CELF2: variants seen among roughly 807,000 people sequenced by gnomAD.
CELF2 encodes CUGBP Elav-like family member 2, also known as CUG triplet repeat RNA-binding protein 2.
CELF2 carries 8 observed loss-of-function variants against 62.6 expected under a neutral mutation model. The ratio of observed to expected loss-of-function variants is 0.13; its 90% CI spans 0.07 to 0.23. The LOEUF (loss-of-function observed/expected upper bound fraction) is 0.23. Among genes scored for constraint, CELF2 ranks in the 10% least tolerant of loss-of-function variants. The pLI is 1.00. For synonymous variants in CELF2, 258 were observed against 250.0 expected, an observed-to-expected ratio of 1.03 and a Z score of -0.30; for missense variants, 333 against 671.0, an observed-to-expected ratio of 0.50 and a Z score of 5.56.
chr10:10,690,060 G>T, the CELF2 span, among the ~76,000 whole-genome samples: 1 of 152,086 alleles, frequency 6.6e-6, no homozygotes, highest in African/African-American at 2.4e-5. Flanking sequence ...TCCATATATG[G>T]GTGCTAGGAG....
At chr10:10,546,207 C>G in the CELF2 span, among the ~76,000 whole-genome samples, 1 of 152,214 alleles carries the variant, frequency 6.6e-6, no homozygotes. Context: ...ACCCTGCCTG[C>G]CGATAACCAT....
the CELF2 span, among the ~76,000 whole-genome samples, chr10:10,744,046 A>AT: frequency 1.3e-5 from 2 of 152,028 alleles, no homozygotes; most frequent in Non-Finnish European, 2.9e-5. Flanking sequence ...TTTTGAGCTA[A>AT]TTTTTTCCTC....
chr10:10,827,600 C>T (rs778765557), intron 1 of CELF2, among the ~76,000 whole-genome samples: 1 of 152,160 alleles, frequency 6.6e-6, no homozygotes, highest in Non-Finnish European at 1.5e-5. Context: ...CTCCTCTAGC[C>T]ATGGAAAGTA....
At chr10:10,724,662 AAAAAAAAAG>A in the CELF2 span, among the ~76,000 whole-genome samples, 21 of 149,416 alleles carry the variant, frequency 1.4e-4, 1 homozygote, top group African/African-American at 4.7e-4. Flanking sequence ...TCTCAAAAAA[AAAAAAAAAG>A]AAAAAAGAAA....
intron 1 of CELF2, among the ~76,000 whole-genome samples, chr10:11,124,756 G>A (rs952550546): frequency 5.9e-5 from 9 of 152,128 alleles, no homozygotes; most frequent in Admixed American, 1.3e-4. Context: ...TCTATTATAC[G>A]TGAAATTTCC....
chr10:10,602,727 C>T, the CELF2 span, among the ~76,000 whole-genome samples: 4 of 152,074 alleles, frequency 2.6e-5, no homozygotes, highest in African/African-American at 9.7e-5. Context: ...TTGATCAAGA[C>T]TTGATGAGCA....
rs1313319761 is a variant in CELF2, at chr10:11,159,912, TAAG to T, written c.75-5569_75-5567del. ...AATGATGGGACTGAAGTTAGGACATTAAGAAGAGCATTGGCATACCTGGCAAGA... is the reference window on the plus strand; with the variant it reads ...AATGATGGGACTGAAGTTAGGACATTAAGAGCATTGGCATACCTGGCAAGA... On this transcript the variant is annotated intron_variant, in intron 1 of 12. Coordinates refer to ENST00000633077, the MANE Select transcript of CELF2 (RefSeq NM_001326342.2). The surrounding 1 kb of genome is among the most constrained non-coding windows in gnomAD (Gnocchi z 5.0). Among the ~76,000 whole-genome samples the T allele has an allele frequency of 6.6e-6, 1 of 152,156 alleles. No homozygotes were observed. The highest frequency in any genetic ancestry group is 2.4e-5 in the African/African-American group (1 of 41,424).
chr10:11,072,725 C>G (rs2070505697), intron 1 of CELF2, among the ~76,000 whole-genome samples: 1 of 152,130 alleles, frequency 6.6e-6, no homozygotes, highest in African/African-American at 2.4e-5. Flanking sequence ...GATGGTGACC[C>G]TTAAGTTTAC....
chr10:11,139,779 C>G (rs372392723), intron 1 of CELF2, among the ~76,000 whole-genome samples: 2 of 152,200 alleles, frequency 1.3e-5, no homozygotes, highest in South Asian at 2.1e-4. Flanking sequence ...TGCACAAATA[C>G]CTATTCTTTA....
At chr10:10,644,149 T>G in the CELF2 span, among the ~76,000 whole-genome samples, 2 of 152,178 alleles carry the variant, frequency 1.3e-5, no homozygotes, top group African/African-American at 4.8e-5. Context: ...GACTCATGTC[T>G]CCTGTCTGCT....
chr10:11,128,994 G>A (rs913176354), intron 1 of CELF2, among the ~76,000 whole-genome samples: 1 of 152,154 alleles, frequency 6.6e-6, no homozygotes, highest in Non-Finnish European at 1.5e-5. Flanking sequence ...TGCCCATTCA[G>A]TATGATATTG....
chr10:10,564,739 C>G, the CELF2 span, among the ~76,000 whole-genome samples: 1 of 150,700 alleles, frequency 6.6e-6, no homozygotes, highest in Non-Finnish European at 1.5e-5. Flanking sequence ...AGCCAAGTGC[C>G]AAAATGCAAA....
At chr10:11,136,649 G>A (rs953774535) in intron 1 of CELF2, among the ~76,000 whole-genome samples, 1 of 151,998 alleles carries the variant, frequency 6.6e-6, no homozygotes, top group Non-Finnish European at 1.5e-5. Context: ...AGAAAAAAAC[G>A]AAGTTAAACG....
rs114148461 is a variant in CELF2, at chr10:11,073,916, A to G, written c.74+55753A>G. Among the ~76,000 whole-genome samples, 285 of 152,362 alleles carry G rather than the reference A, an allele frequency of 1.9e-3. 2 individuals are homozygous for G. Among genetic ancestry groups the G allele is most frequent in the African/African-American group, 6.7e-3 (279 of 41,584 alleles). ...TAAATAGTTTTCATACTGTTATCAA[A>G]TGTAAAATAATTGAGAATATTCTTG... On this transcript the variant is annotated intron_variant, in intron 1 of 12. Transcript: ENST00000633077.
rs2094432047 is a variant in CELF2, at chr10:11,309,105, A to G, written c.977-5034A>G. On this transcript the variant is annotated intron_variant, in intron 9 of 12. Transcript: ENST00000633077. This position sits in a 1 kb window ranked among gnomAD's most constrained non-coding sequence, Gnocchi z 5.6. Reference sequence around the variant, plus strand: ...AGCTGCTTTCATGTCTTTGTCCACCAAGTCTAACATCTGGGCCCTCTTACG... The same window carrying G: ...AGCTGCTTTCATGTCTTTGTCCACCGAGTCTAACATCTGGGCCCTCTTACG... 6.6e-6 allele frequency among the ~76,000 whole-genome samples: 1 copy of G among 152,168 alleles called. No homozygotes were observed. Among genetic ancestry groups the G allele is most frequent in the South Asian group, 2.1e-4 (1 of 4,828 alleles).
Position 11,046,567 on chromosome 10 carries a change from T to G in CELF2, c.74+28404T>G, listed in dbSNP as rs1218294389. 1.3e-5 allele frequency among the ~76,000 whole-genome samples: 2 copies of G among 152,222 alleles called. No individual in the cohort carries two copies. ...GGGCATGTGGGCTCAGTGCTAATTT[T>G]CATGGCTTCTGTGGTCCCTGAAGTA... On this transcript the variant is annotated intron_variant, in intron 1 of 12. Transcript: ENST00000633077. The surrounding 1 kb of genome is among the most constrained non-coding windows in gnomAD (Gnocchi z 4.6).
intron 1 of CELF2, among the ~76,000 whole-genome samples, chr10:11,146,430 G>A (rs1393635983): frequency 1.3e-5 from 2 of 152,212 alleles, no homozygotes; most frequent in Non-Finnish European, 1.5e-5. Flanking sequence ...TTTCAGGTCT[G>A]AACAATCCAG....
chr10:10,516,873 A>G, the CELF2 span, among the ~76,000 whole-genome samples: 1 of 152,074 alleles, frequency 6.6e-6, no homozygotes, highest in Non-Finnish European at 1.5e-5. Flanking sequence ...AATCCCTCTC[A>G]GCCTGCTGTC....
the CELF2 span, among the ~76,000 whole-genome samples, chr10:10,536,452 T>C: frequency 6.6e-6 from 1 of 152,220 alleles, no homozygotes; most frequent in Non-Finnish European, 1.5e-5. Context: ...TGGCAGGTGC[T>C]CTGTCAGCAA....
Sources: gnomAD v4.1 joint callset for allele counts (sites outside exome capture counted in the v4.1 genomes callset) on GRCh38, gnomAD v4.1.1 for gene constraint, Gnocchi (gnomAD v3.1) non-coding constraint, MANE v1.5 for transcripts, NCBI Gene and HGNC (gene_info 2026-07-23, HGNC 2026-07-21) for gene names.